The following SIRT4 variants were observed in gnomAD, a reference collection of about 807,000 sequenced individuals.
SIRT4 encodes the protein NAD-dependent protein lipoamidase sirtuin-4, mitochondrial.
A neutral mutation model predicts 26.1 loss-of-function variants in SIRT4; 23 were observed. The observed-to-expected ratio is 0.88, with a 90% CI of 0.63 to 1.25. The LOEUF is 1.25. Among genes scored for constraint, SIRT4 ranks in the 50% most tolerant of loss-of-function variants. The pLI is 0.00. For synonymous variants in SIRT4, 155 were observed against 158.4 expected (o/e 0.98, Z 0.16); for missense variants, 361 against 405.4 (o/e 0.89, Z 0.94).
chr12:120,298,196 CAAAAA>C (rs56752571), upstream of SIRT4, among the ~76,000 whole-genome samples: 4 of 21,056 alleles, frequency 1.9e-4, no homozygotes, highest in African/African-American at 3.2e-4. Context: ...AACTCCATCT[CAAAAA>C]AAAAAAAAAA....
At chr12:120,312,844 A>G (rs775255517) in intron 3 of SIRT4, 40 bp from the exon 4 acceptor site, 11 of 1,611,236 alleles carry the variant, frequency 6.8e-6, no homozygotes, top group South Asian at 2.2e-5. Flanking sequence ...CTAGATCTAG[A>G]GAACCTAGAC....
the SIRT4 span, chr12:120,293,365 T>A: frequency 3.8e-4 from 58 of 152,200 alleles, no homozygotes; most frequent in African/African-American, 1.3e-3. Flanking sequence ...TAGAAAGATG[T>A]TTGTGACCTG....
At chr12:120,309,161 G>A (rs1056340186) in intron 2 of SIRT4, among the ~76,000 whole-genome samples, 6 of 151,950 alleles carry the variant, frequency 3.9e-5, no homozygotes, top group Admixed American at 2.0e-4. Context: ...CAGCCTGGGC[G>A]ACAAGAGTGA....
chr12:120,305,363 A>G (rs1592897463), intron 2 of SIRT4, among the ~76,000 whole-genome samples: 1 of 151,390 alleles, frequency 6.6e-6, no homozygotes, highest in Non-Finnish European at 1.5e-5. Context: ...TGATCCTTTC[A>G]CCCCAGCCTC....
At position 120,312,976 on chromosome 12, in the gene SIRT4, G is replaced by A; in HGVS notation, c.885G>A (p.Leu295=). The change falls in exon 4 of 4, where the codon TTG becomes TTA. Residue 295 remains leucine (L), a synonymous_variant. Transcript: ENST00000202967. ...TTGGGCCCACACGGTCGGATGACTT[G>A]GCGTGTCTGAAACTGAATTCTCGTT... ...LNIGPTRSDD[L]ACLKLNSRCG... is the part of the protein sequence containing the mutation. 6.2e-7 allele frequency: 1 copy of A among 1,614,126 alleles called. No homozygotes were observed. The highest frequency in any genetic ancestry group is 8.5e-7 in the Non-Finnish European group (1 of 1,180,040).
rs754786198 is a variant in SIRT4, at chr12:120,312,546, C to T, written c.588C>T (p.Ala196=). ...QVLNPTWSAE[A]HGLAPDGDVF... is the part of the protein sequence containing the mutation. ...TGAACCCCACCTGGAGTGCTGAGGC[C>T]CATGGCCTGGCTCCTGATGGTGACG... The change falls in exon 3 of 4, where the codon GCC becomes GCT. Residue 196 remains alanine, a synonymous_variant. Transcript: ENST00000202967. 4.3e-6 allele frequency: 7 copies of T among 1,614,030 alleles called. No homozygotes were observed. The highest frequency in any genetic ancestry group is 1.7e-5 in the Admixed American group (1 of 59,984).
chr12:120,307,251 G>C (rs781074676), intron 2 of SIRT4, among the ~76,000 whole-genome samples: 3 of 152,172 alleles, frequency 2.0e-5, no homozygotes, highest in Non-Finnish European at 4.4e-5. Flanking sequence ...AGCATTTTGA[G>C]AGGCTGAGGG....
the SIRT4 span, among the ~76,000 whole-genome samples, chr12:120,297,214 C>T: frequency 1.3e-5 from 2 of 149,912 alleles, no homozygotes; most frequent in Admixed American, 6.7e-5. Context: ...TAGAGCGAGA[C>T]TCCGTCTCAA....
chr12:120,291,953 A>G, the SIRT4 span: 5 of 151,976 alleles, frequency 3.3e-5, no homozygotes, highest in Non-Finnish European at 5.9e-5. Flanking sequence ...GACTACCATT[A>G]CATTGAGGGT....
chr12:120,303,965 G>C lies in SIRT4; in HGVS notation c.404G>C (p.Gly135Ala). 4 of 1,614,152 alleles carry C rather than the reference G, an allele frequency of 2.5e-6. No individual in the cohort carries two copies. Among genetic ancestry groups the C allele is most frequent in the Non-Finnish European group, 3.4e-6 (4 of 1,180,032 alleles). ...GCTTTGAGCACCTGGGAGAAACTCG[G>C]AAAGCTGTACTGGTTGGTGACCCAA... ...HWALSTWEKLGKLYWLVTQNV... is the reference protein window; with the variant it reads ...HWALSTWEKLAKLYWLVTQNV... Residue 135 changes from glycine to alanine, a missense_variant, in exon 2 of 4, where the codon GGA (glycine) becomes GCA (alanine). Physicochemically the swap from Gly to Ala is moderately conservative, Grantham distance 60. Coordinates refer to ENST00000202967, the MANE Select transcript of SIRT4 (RefSeq NM_012240.3).
chr12:120,311,048 TAAAAAAAAAA>T lies in SIRT4; in HGVS notation c.498-1391_498-1382del, dbSNP rs761606021. Among the ~76,000 whole-genome samples, 292 of 69,316 alleles carry T rather than the reference TAAAAAAAAAA, an allele frequency of 4.2e-3. 3 individuals are homozygous for T. Among genetic ancestry groups the T allele is most frequent in the Middle Eastern group, 0.023 (2 of 88 alleles). The allele number at this position is 69,316 out of a possible 152,430, so 45.5% of individuals were successfully genotyped here. A position where few individuals can be genotyped will look rare whatever the true frequency, so the allele number is the denominator to read the frequency against. On this transcript the variant is annotated intron_variant, in intron 2 of 3. Coordinates refer to ENST00000202967, the MANE Select transcript of SIRT4 (RefSeq NM_012240.3). ...CCACGCCCAGCCTGACCCTGTCTCT[TAAAAAAAAAA>T]AAAAAAAAAAAAAAAATAGGCCGGG...
intron 2 of SIRT4, among the ~76,000 whole-genome samples, chr12:120,311,951 G>C (rs1872995054): frequency 1.3e-5 from 2 of 151,924 alleles, no homozygotes; most frequent in African/African-American, 2.4e-5. Context: ...AAGGATAAAA[G>C]TGAGCTATAG....
chr12:120,295,203 A>C, the SIRT4 span, among the ~76,000 whole-genome samples: 1 of 133,284 alleles, frequency 7.5e-6, no homozygotes, highest in Non-Finnish European at 1.6e-5. Context: ...ATATCAGCTT[A>C]AGTTTCTGTT....
chr12:120,305,555 T>C (rs1872716919), intron 2 of SIRT4, among the ~76,000 whole-genome samples: 1 of 152,150 alleles, frequency 6.6e-6, no homozygotes, highest in Non-Finnish European at 1.5e-5. Flanking sequence ...GCCACTGTGC[T>C]TGGCCTTGAA....
At chr12:120,299,358 C>G (rs1030427625), upstream of SIRT4, among the ~76,000 whole-genome samples, 9 of 150,610 alleles carry the variant, frequency 6.0e-5, no homozygotes, top group Admixed American at 6.0e-4. Flanking sequence ...TCAAAACCAG[C>G]CTGGCCAACA....
At chr12:120,302,236 G>A (rs1872574760), upstream of SIRT4, 1 of 152,130 alleles carries the variant, frequency 6.6e-6, no homozygotes, top group South Asian at 2.1e-4. Context: ...ATGATCTGGG[G>A]CTGTCAATTG....
chr12:120,311,080 C>T (rs1313343711), intron 2 of SIRT4, among the ~76,000 whole-genome samples: 5 of 143,572 alleles, frequency 3.5e-5, no homozygotes, highest in African/African-American at 7.6e-5. Flanking sequence ...AAAAATAGGC[C>T]GGGCGCAGTG....
At chr12:120,308,940 C>T (rs1287081685) in intron 2 of SIRT4, among the ~76,000 whole-genome samples, 1 of 152,012 alleles carries the variant, frequency 6.6e-6, no homozygotes, top group African/African-American at 2.4e-5. Context: ...GATGCCGAAG[C>T]GGGTGGATAA....
intron 2 of SIRT4, among the ~76,000 whole-genome samples, chr12:120,306,999 G>A (rs1039750170): frequency 2.6e-5 from 4 of 152,178 alleles, no homozygotes; most frequent in Admixed American, 6.6e-5. Context: ...ATACATGGGA[G>A]GGTATCATGC....
Sources: gnomAD v4.1 joint callset for allele counts (sites outside exome capture counted in the v4.1 genomes callset) on GRCh38, gnomAD v4.1.1 for gene constraint, MANE v1.5 for transcripts, NCBI Gene and HGNC (gene_info 2026-07-23, HGNC 2026-07-21) for gene names.